Variants in FLNB observed in about 807,000 individuals in gnomAD.
The protein encoded by FLNB is filamin-B.
A neutral mutation model predicts 250.6 loss-of-function variants in FLNB; 111 were observed. The observed-to-expected ratio is 0.44, with a 90% CI of 0.38 to 0.52. The LOEUF (loss-of-function observed/expected upper bound fraction) is 0.52. Among genes scored for constraint, FLNB ranks in the 20% least tolerant of loss-of-function variants. The probability of loss-of-function intolerance (pLI) is 0.00; values close to 1 mark genes in which losing one functional copy is unlikely to be tolerated. For missense variants in FLNB, 2,869 were observed against 3,447.8 expected, an observed-to-expected ratio of 0.83 and a Z score of 4.20; for synonymous variants, 1,302 against 1,372.1, an observed-to-expected ratio of 0.95 and a Z score of 1.13.
intron 1 of FLNB, among the ~76,000 whole-genome samples, chr3:58,035,914 A>G (rs923359345): frequency 3.9e-5 from 6 of 152,224 alleles, no homozygotes; most frequent in African/African-American, 1.2e-4. Flanking sequence ...AACTTTCTAC[A>G]GAGATGTACT....
At chr3:58,066,388 T>C (rs1277729169) in intron 1 of FLNB, among the ~76,000 whole-genome samples, 1 of 151,938 alleles carries the variant, frequency 6.6e-6, no homozygotes, top group African/African-American at 2.4e-5. Context: ...CCTGACCAAT[T>C]TTTGTATTTT....
At chr3:58,129,796 CACG>C (rs1331224441) in intron 24 of FLNB, among the ~76,000 whole-genome samples, 47 of 152,314 alleles carry the variant, frequency 3.1e-4, no homozygotes, top group African/African-American at 1.1e-3. Context: ...GGCAGAGGTG[CACG>C]TAGCCCCTTG....
At chr3:58,094,787 T>C (rs771580553) in intron 4 of FLNB, 49 bp from the exon 5 acceptor site, 1 of 1,504,826 alleles carries the variant, frequency 6.6e-7, no homozygotes, top group Admixed American at 1.7e-5. Flanking sequence ...CGATGGCTCA[T>C]GACACACCCT....
intron 43 of FLNB, chr3:58,166,202 C>T (rs1183827771): frequency 6.6e-6 from 1 of 152,166 alleles, no homozygotes; most frequent in Non-Finnish European, 1.5e-5. Context: ...AGCTCTTGTC[C>T]CATAACCCCT....
rs140225380 is a variant in FLNB, at chr3:58,119,462, T to C, written c.2863+473T>C. 4.0e-3 allele frequency among the ~76,000 whole-genome samples: 609 copies of C among 152,350 alleles called. 6 individuals are homozygous for C. Among genetic ancestry groups the C allele is most frequent in the African/African-American group, 0.014 (572 of 41,584 alleles). On this transcript the variant is annotated intron_variant, in intron 19 of 45. Coordinates refer to ENST00000295956, the MANE Select transcript of FLNB (RefSeq NM_001457.4). ...CAAATCCCTGGCACTCAGAAGTCAC[T>C]ACCACCACACCTCTGCCCCATCCCA... is the stretch of plus-strand genomic sequence containing the variant.
At chr3:58,036,928 C>T (rs2097138911) in intron 1 of FLNB, among the ~76,000 whole-genome samples, 2 of 152,096 alleles carry the variant, frequency 1.3e-5, no homozygotes, top group Non-Finnish European at 2.9e-5. Flanking sequence ...CACCTGTAAA[C>T]GTTGAAGACT....
At chr3:58,023,007 G>A (rs2097116321) in intron 1 of FLNB, among the ~76,000 whole-genome samples, 1 of 151,414 alleles carries the variant, frequency 6.6e-6, no homozygotes, top group Admixed American at 6.6e-5. Flanking sequence ...GTAGAGACGG[G>A]GTTTCACCAT....
At chr3:58,154,505 A>G in intron 39 of FLNB, 2 of 375,948 alleles carry the variant, frequency 5.3e-6, no homozygotes, top group Non-Finnish European at 1.0e-5. Flanking sequence ...AGATTGCACC[A>G]CTGCACTCCA....
chr3:58,070,952 GTT>G (rs530215007), intron 1 of FLNB, among the ~76,000 whole-genome samples: 2 of 139,618 alleles, frequency 1.4e-5, no homozygotes, highest in Non-Finnish European at 1.6e-5. Flanking sequence ...TCTCTCTCTT[GTT>G]TTTTTTTTTT....
chr3:58,028,864 T>C (rs909366032), intron 1 of FLNB, among the ~76,000 whole-genome samples: 3 of 151,732 alleles, frequency 2.0e-5, no homozygotes, highest in African/African-American at 7.3e-5. Flanking sequence ...GATCCACCCA[T>C]CTCAGTCTCA....
At chr3:58,134,410 C>T (rs2097312799) in intron 26 of FLNB, among the ~76,000 whole-genome samples, 1 of 152,180 alleles carries the variant, frequency 6.6e-6, no homozygotes, top group Non-Finnish European at 1.5e-5. Context: ...TTGGAACACA[C>T]TCAGGACAAA....
At position 58,109,209 on chromosome 3, in the gene FLNB, A is replaced by T. The variant is rs1465062643; in HGVS notation, c.2086A>T (p.Met696Leu). ...GGAAGGCCAACGCATTGACATCCAGATGAAGAACCGGATGGACGGCACATA... is the reference window on the plus strand; with the variant it reads ...GGAAGGCCAACGCATTGACATCCAGTTGAAGAACCGGATGGACGGCACATA... ...DGEGQRIDIQMKNRMDGTYAC... is the reference protein window; with the variant it reads ...DGEGQRIDIQLKNRMDGTYAC... Residue 696 changes from methionine to leucine, a missense_variant, in exon 14 of 46, where the codon ATG (methionine) becomes TTG (leucine). Physicochemically the swap from Met to Leu is conservative, Grantham distance 15 (BLOSUM62 2). Coordinates refer to ENST00000295956, the MANE Select transcript of FLNB (RefSeq NM_001457.4). 1.9e-6 allele frequency: 3 copies of T among 1,614,226 alleles called. No individual in the cohort carries two copies. The highest frequency in any genetic ancestry group is 3.3e-5 in the Admixed American group (2 of 60,026).
chr3:58,132,634 T>G, intron 25 of FLNB, 174 bp from the exon 26 acceptor site: 1 of 751,772 alleles, frequency 1.3e-6, no homozygotes, highest in Non-Finnish European at 2.3e-6. Context: ...CAACCATGAA[T>G]TGGGGATCCT....
At chr3:58,152,797 C>T (rs774938629) in intron 38 of FLNB, 5 of 1,311,398 alleles carry the variant, frequency 3.8e-6, no homozygotes, top group African/African-American at 3.0e-5. Flanking sequence ...GTGCTCCGTG[C>T]CCCGCATGCG....
intron 40 of FLNB, 38 bp from the exon 41 acceptor site, chr3:58,155,922 A>G (rs186114796): frequency 1.4e-6 from 2 of 1,435,760 alleles, no homozygotes; most frequent in East Asian, 4.5e-5. Context: ...CTCTGGGTCC[A>G]GAGTCTCTGA....
intron 10 of FLNB, 122 bp from the exon 11 acceptor site, chr3:58,104,958 T>C: frequency 7.7e-7 from 1 of 1,306,518 alleles, no homozygotes. Context: ...TGGCTGCAGT[T>C]TGGGATGCCA....
intron 1 of FLNB, among the ~76,000 whole-genome samples, chr3:58,070,915 G>A (rs1220858009): frequency 6.6e-6 from 1 of 150,470 alleles, no homozygotes; most frequent in Admixed American, 6.6e-5. Context: ...CTCCCAAAGT[G>A]CTAGGATTAC....
At position 58,164,615 on chromosome 3, in the gene FLNB, C is replaced by A; in HGVS notation, c.7198+1285C>A. The A allele has an allele frequency of 6.6e-6, 1 of 152,416 alleles. No homozygotes were observed. Among genetic ancestry groups the A allele is most frequent in the Non-Finnish European group, 1.5e-5 (1 of 68,122 alleles). The allele number at this position is 152,416 out of a possible 1,614,324, so 9.4% of individuals were successfully genotyped here. The stretch of plus-strand genomic sequence containing the variant: ...CAGGAGTGACTGGTGGGCTGGCAGG[C>A]TGCCCGGGACTCTGGCCAAAGCAGT... On this transcript the variant is annotated intron_variant, in intron 43 of 45. Coordinates refer to ENST00000295956, the MANE Select transcript of FLNB (RefSeq NM_001457.4). This position sits in a 1 kb window ranked among gnomAD's most constrained non-coding sequence, Gnocchi z 4.0.
At chr3:58,127,309 G>A (rs1352754138) in intron 24 of FLNB, among the ~76,000 whole-genome samples, 2 of 150,242 alleles carry the variant, frequency 1.3e-5, no homozygotes, top group Non-Finnish European at 3.0e-5. Flanking sequence ...TTGGGTGACA[G>A]AGGAAGACCC....
Sources: allele counts gnomAD v4.1 joint callset (sites outside exome capture counted in the v4.1 genomes callset), GRCh38; gene constraint gnomAD v4.1.1; non-coding constraint Gnocchi (gnomAD v3.1); transcripts MANE v1.5; gene names NCBI Gene and HGNC (gene_info 2026-07-23, HGNC 2026-07-21).